Variants in RERE observed in about 807,000 individuals in gnomAD.
RERE encodes the protein arginine-glutamic acid dipeptide repeats protein.
In RERE, 40 loss-of-function variants were observed where a neutral mutation model predicts 146.1. That is an observed-to-expected ratio of 0.27 (90% CI 0.21 to 0.36). The LOEUF (loss-of-function observed/expected upper bound fraction) is 0.36, where lower values mean the gene tolerates loss of function less well. Ranked by LOEUF, RERE falls within the 10% of genes least tolerant of loss-of-function variation. The pLI is 1.00. For synonymous variants in RERE, 1,003 were observed against 866.0 expected (o/e 1.16, Z -2.78); for missense variants, 1,933 against 2,138.7 (o/e 0.90, Z 1.90).
intron 10 of RERE, among the ~76,000 whole-genome samples, chr1:8,481,646 T>G (rs1225765378): frequency 2.6e-5 from 4 of 152,208 alleles, no homozygotes; most frequent in Non-Finnish European, 5.9e-5. Context: ...TACATTTCAA[T>G]TTTATAATCA....
intron 2 of RERE, among the ~76,000 whole-genome samples, chr1:8,634,575 TA>T (rs2124261984): frequency 6.6e-6 from 1 of 152,326 alleles, no homozygotes; most frequent in African/African-American, 2.4e-5. Flanking sequence ...TTAGTTTATA[TA>T]AACTTGAAAG....
intron 1 of RERE, among the ~76,000 whole-genome samples, chr1:8,759,548 A>T (rs1640709795): frequency 6.6e-6 from 1 of 152,158 alleles, no homozygotes; most frequent in South Asian, 2.1e-4. Flanking sequence ...ACAGAACGAA[A>T]ACTGCAAAAT....
At chr1:8,498,707 AAAT>A (rs1645080469) in intron 8 of RERE, among the ~76,000 whole-genome samples, 4 of 132,298 alleles carry the variant, frequency 3.0e-5, no homozygotes, top group African/African-American at 1.3e-4. Context: ...AAAAAAAAAA[AAAT>A]AAAAAAAAAA....
At chr1:8,485,862 G>C (rs141792556) in intron 10 of RERE, among the ~76,000 whole-genome samples, 4 of 145,160 alleles carry the variant, frequency 2.8e-5, no homozygotes, top group Non-Finnish European at 5.9e-5. Context: ...GCAGTGGCGC[G>C]ATCTTGGCTC....
intron 1 of RERE, among the ~76,000 whole-genome samples, chr1:8,740,389 G>A (rs1473732768): frequency 1.3e-5 from 2 of 152,234 alleles, no homozygotes; most frequent in Non-Finnish European, 2.9e-5. Flanking sequence ...TCAGTGGTGA[G>A]TAAATGTGAA....
At chr1:8,420,161 T>G (rs1001207776) in intron 12 of RERE, among the ~76,000 whole-genome samples, 1 of 152,136 alleles carries the variant, frequency 6.6e-6, no homozygotes, top group Middle Eastern at 3.2e-3. Flanking sequence ...AGTTAATAAT[T>G]CTGGTAGACA....
At chr1:8,388,686 A>G (rs904312434) in intron 12 of RERE, among the ~76,000 whole-genome samples, 4 of 152,238 alleles carry the variant, frequency 2.6e-5, no homozygotes, top group African/African-American at 9.6e-5. Context: ...TACCATACAC[A>G]AATGCTATAT....
At chr1:8,402,991 C>T (rs756972956) in intron 12 of RERE, among the ~76,000 whole-genome samples, 1 of 152,070 alleles carries the variant, frequency 6.6e-6, no homozygotes, top group Non-Finnish European at 1.5e-5. Flanking sequence ...CTCTGCCTCC[C>T]GGGTTCAAGT....
chr1:8,811,689 T>C (rs536232182), intron 1 of RERE, among the ~76,000 whole-genome samples: 1 of 152,348 alleles, frequency 6.6e-6, no homozygotes, highest in African/African-American at 2.4e-5. Flanking sequence ...GCTAAGTGTG[T>C]GCATGGCTGC....
chr1:8,811,641 C>T (rs1383416952), intron 1 of RERE, among the ~76,000 whole-genome samples: 1 of 152,154 alleles, frequency 6.6e-6, no homozygotes, highest in African/African-American at 2.4e-5. Context: ...GCCTAGGGAA[C>T]ATATACAGGT....
chr1:8,525,968 A>C, intron 7 of RERE: 1 of 1,344,690 alleles, frequency 7.4e-7, no homozygotes, highest in Non-Finnish European at 9.5e-7. Context: ...ACTTCCCCTC[A>C]CTCTGACAGG....
intron 10 of RERE, among the ~76,000 whole-genome samples, chr1:8,473,992 T>C (rs1053480447): frequency 6.6e-6 from 1 of 152,254 alleles, no homozygotes; most frequent in African/African-American, 2.4e-5. Flanking sequence ...GACCTCCTCC[T>C]GATTAGCAGA....
At chr1:8,681,022 C>T (rs977471176) in intron 1 of RERE, among the ~76,000 whole-genome samples, 3 of 152,146 alleles carry the variant, frequency 2.0e-5, no homozygotes, top group Admixed American at 6.5e-5. Flanking sequence ...AGTGGAGAGC[C>T]GGAGAATGGG....
intron 2 of RERE, among the ~76,000 whole-genome samples, chr1:8,630,987 T>C (rs766002395): frequency 6.6e-6 from 1 of 152,224 alleles, no homozygotes; most frequent in Non-Finnish European, 1.5e-5. Context: ...TCCCAAGTAG[T>C]GCTACAAAGA....
chr1:8,434,974 C>T (rs1308528410), intron 11 of RERE: 2 of 152,216 alleles, frequency 1.3e-5, no homozygotes, highest in African/African-American at 4.8e-5. Flanking sequence ...AATTCTGGTC[C>T]CACAGAAACT....
At chr1:8,755,524 C>T (rs1640623750) in intron 1 of RERE, among the ~76,000 whole-genome samples, 1 of 152,142 alleles carries the variant, frequency 6.6e-6, no homozygotes, top group South Asian at 2.1e-4. Flanking sequence ...GAGGGCCACT[C>T]AAGTGAGGGT....
At chr1:8,642,298 C>T (rs935656517) in intron 2 of RERE, among the ~76,000 whole-genome samples, 8 of 152,140 alleles carry the variant, frequency 5.3e-5, no homozygotes, top group Admixed American at 5.2e-4. Flanking sequence ...GATGAAAAGA[C>T]AAAGGCACAG....
At chr1:8,724,834 A>G (rs1639927648) in intron 1 of RERE, among the ~76,000 whole-genome samples, 1 of 97,246 alleles carries the variant, frequency 1.0e-5, no homozygotes, top group Non-Finnish European at 2.4e-5. Context: ...ATCTCAAAAC[A>G]AAAGAAAAAA....
chr1:8,645,184 GTTGTAGC>G (rs1647257143), intron 2 of RERE, among the ~76,000 whole-genome samples: 1 of 152,174 alleles, frequency 6.6e-6, no homozygotes, highest in Non-Finnish European at 1.5e-5. Flanking sequence ...TGTCACCCAT[GTTGTAGC>G]TCCCTTACTA....
Sources: gnomAD v4.1 joint callset for allele counts (sites outside exome capture counted in the v4.1 genomes callset) on GRCh38, gnomAD v4.1.1 for gene constraint, MANE v1.5 for transcripts, NCBI Gene and HGNC (gene_info 2026-07-23, HGNC 2026-07-21) for gene names.